The following EMILIN2 variants were observed in gnomAD, a reference collection of about 807,000 sequenced individuals.
EMILIN2 encodes EMILIN-2.
A neutral mutation model predicts 87.1 loss-of-function variants in EMILIN2; 71 were observed. The observed-to-expected ratio is 0.82, with a 90% CI of 0.67 to 0.99. The LOEUF (loss-of-function observed/expected upper bound fraction) is 0.99. Ranked by LOEUF, EMILIN2 falls within the 50% of genes least tolerant of loss-of-function variation. EMILIN2 has a pLI of 0.00. For synonymous variants in EMILIN2, 581 were observed against 563.4 expected (o/e 1.03, Z -0.44); for missense variants, 1,407 against 1,371.8 (o/e 1.03, Z -0.40).
At chr18:2,860,104 G>A (rs1032750106) in intron 2 of EMILIN2, among the ~76,000 whole-genome samples, 7 of 152,146 alleles carry the variant, frequency 4.6e-5, no homozygotes, top group Non-Finnish European at 1.0e-4. Context: ...GTTCTGTGAA[G>A]AATGATGGTG....
At chr18:2,856,576 A>G (rs1287885875) in intron 2 of EMILIN2, among the ~76,000 whole-genome samples, 1 of 152,156 alleles carries the variant, frequency 6.6e-6, no homozygotes, top group African/African-American at 2.4e-5. Flanking sequence ...GTACATAATG[A>G]AGTAGGTGCC....
chr18:2,859,004 C>T (rs549090541), intron 2 of EMILIN2, among the ~76,000 whole-genome samples: 63 of 152,220 alleles, frequency 4.1e-4, no homozygotes, highest in South Asian at 1.9e-3. Context: ...TTTTTGCAAT[C>T]GCGAATTGTG....
Position 2,909,832 on chromosome 18 carries a change from AC to A in EMILIN2, c.2824+14del. On this transcript the variant is annotated intron_variant, in intron 7 of 7. Transcript: ENST00000254528. ...AACCCCAGCACCGGTGAGTGTTTGA[AC>A]GGAACTGGTACTGTGTCCTCCTCCT... 1 of 1,612,944 alleles carries A rather than the reference AC, an allele frequency of 6.2e-7. No homozygotes were observed. The highest frequency in any genetic ancestry group is 1.1e-5 in the South Asian group (1 of 90,950).
At chr18:2,859,101 T>C (rs4798037) in intron 2 of EMILIN2, among the ~76,000 whole-genome samples, 8,240 of 152,254 alleles carry the variant, frequency 0.054, 751 homozygotes, top group East Asian at 0.48. Flanking sequence ...GGTTGCTGGA[T>C]CAAATGGTAG....
chr18:2,862,771 G>A (rs1284838638), intron 2 of EMILIN2, among the ~76,000 whole-genome samples: 1 of 152,134 alleles, frequency 6.6e-6, no homozygotes, highest in Non-Finnish European at 1.5e-5. Context: ...TTTTTCTATT[G>A]ATTGGAATAG....
Position 2,847,319 on chromosome 18 carries a change from A to T in EMILIN2, c.131A>T (p.Asn44Ile). Residue 44 changes from asparagine to isoleucine, a missense_variant, in exon 1 of 8, where the codon AAC (asparagine) becomes ATC (isoleucine). Physicochemically the swap from Asn to Ile is moderately radical, Grantham distance 149. Transcript: ENST00000254528. This position sits in a 1 kb window ranked among gnomAD's most constrained non-coding sequence, Gnocchi z 4.5. Reference protein sequence around the residue: ...PGYPARPSARNKNWCAYIVNK... With the variant: ...PGYPARPSARIKNWCAYIVNK... Reference sequence around the variant, plus strand: ...TATCCCGCGCGGCCCAGCGCCAGGAACAAGTAAGTGCGCGCCCCTTGGCTG... The same window carrying T: ...TATCCCGCGCGGCCCAGCGCCAGGATCAAGTAAGTGCGCGCCCCTTGGCTG... 1 of 1,306,518 alleles carries T rather than the reference A, an allele frequency of 7.7e-7. No individual in the cohort carries two copies. The allele number at this position is 1,306,518 out of a possible 1,614,324, so 80.9% of individuals were successfully genotyped here. A position where few individuals can be genotyped will look rare whatever the true frequency, so the allele number is the denominator to read the frequency against.
intron 2 of EMILIN2, among the ~76,000 whole-genome samples, chr18:2,856,243 T>A (rs1394462741): frequency 6.6e-6 from 1 of 152,106 alleles, no homozygotes; most frequent in Non-Finnish European, 1.5e-5. Flanking sequence ...TGTAAAAAAA[T>A]TAAGTGAAAT....
At position 2,880,757 on chromosome 18, in the gene EMILIN2, C is replaced by T. The variant is rs989022860; in HGVS notation, c.258-4207C>T. On this transcript the variant is annotated intron_variant, in intron 2 of 7. Transcript: ENST00000254528. The surrounding 1 kb of genome is among the most constrained non-coding windows in gnomAD (Gnocchi z 4.1). The stretch of plus-strand genomic sequence containing the variant: ...CCGGGGCCCCTGGGGATGCTTGGGC[C>T]GCCTGTCTCTGTTTCATGTCCCCTG... 6.6e-5 allele frequency among the ~76,000 whole-genome samples: 10 copies of T among 152,124 alleles called. No individual in the cohort carries two copies. Among genetic ancestry groups the T allele is most frequent in the African/African-American group, 1.9e-4 (8 of 41,406 alleles).
chr18:2,906,490 T>TC lies in EMILIN2; in HGVS notation c.2360-293_2360-292insC, dbSNP rs1283799862. On this transcript the variant is annotated intron_variant, in intron 4 of 7. Coordinates refer to ENST00000254528, the MANE Select transcript of EMILIN2 (RefSeq NM_032048.3). ...CCGCGTGCTGTGAAATCGGGAATTG[T>TC]TGATGCCGGAGCCAAGAGTGAGGCC... 5 of 145,366 alleles carry TC rather than the reference T, an allele frequency of 3.4e-5. No individual in the cohort carries two copies. The African/African-American group carries it at 1.1e-3, about 33-fold the overall frequency. 9.0% of individuals were successfully genotyped at this position (145,366 alleles called of 1,614,324 possible).
chr18:2,877,383 T>C (rs761514544), intron 2 of EMILIN2, among the ~76,000 whole-genome samples: 4 of 152,100 alleles, frequency 2.6e-5, no homozygotes, highest in Non-Finnish European at 5.9e-5. Flanking sequence ...TCTTTTTTTT[T>C]CTCATACCAC....
chr18:2,869,187 T>C (rs907114886), intron 2 of EMILIN2, among the ~76,000 whole-genome samples: 1 of 152,192 alleles, frequency 6.6e-6, no homozygotes, highest in Non-Finnish European at 1.5e-5. Flanking sequence ...AATTGAAATA[T>C]GTTATTGCAT....
rs955016129 is a variant in EMILIN2, at chr18:2,874,310, C to A, written c.258-10654C>A. ...GCTTAAGTAATCCTTCCTCCTTAGC[C>A]TCCTGAGTGGCTAGGACTCCAGGTG... On this transcript the variant is annotated intron_variant, in intron 2 of 7. Transcript: ENST00000254528. Among the ~76,000 whole-genome samples the A allele has an allele frequency of 7.2e-5, 11 of 152,150 alleles. No individual in the cohort carries two copies. In the East Asian group the frequency reaches 2.1e-3, roughly 29 times the overall value.
rs759058000 is a variant in EMILIN2, at chr18:2,890,980, G to A, written c.853G>A (p.Gly285Arg). The change falls in exon 4 of 8, where the codon GGA (glycine) becomes AGA (arginine). Residue 285 changes from glycine to arginine, a missense_variant. Transcript: ENST00000254528. The surrounding 1 kb of genome is among the most constrained non-coding windows in gnomAD (Gnocchi z 4.7). ...AAGTGACAAGCTGGAAGAGCTGGAT[G>A]GAAAAGTGAAGGGCTACGAAGGGCA... ...NKSDKLEELD[G>R]KVKGYEGQLR... 1.1e-5 allele frequency: 18 copies of A among 1,614,198 alleles called. No individual in the cohort carries two copies. The Admixed American group carries it at 3.0e-4, about 27-fold the overall frequency.
chr18:2,898,863 T>C (rs35462218), intron 4 of EMILIN2, among the ~76,000 whole-genome samples: 38,179 of 152,040 alleles, frequency 0.25, 5,963 homozygotes, highest in East Asian at 0.44. Context: ...CTTAGAGTTT[T>C]ATAAACATAT....
At chr18:2,846,655 G>A, upstream of EMILIN2, 1 of 622,980 alleles carries the variant, frequency 1.6e-6, no homozygotes. This position sits in a 1 kb window ranked among gnomAD's most constrained non-coding sequence, Gnocchi z 5.3. Context: ...CATTCGCCCC[G>A]GGAGGCTGGC....
chr18:2,890,725 G>C lies in EMILIN2; in HGVS notation c.598G>C (p.Asp200His), dbSNP rs747061429. 5 of 1,614,118 alleles carry C rather than the reference G, an allele frequency of 3.1e-6. No individual in the cohort carries two copies. Among genetic ancestry groups the C allele is most frequent in the Admixed American group, 1.7e-5 (1 of 60,018 alleles). ...KVLRLTRTVL[D>H]LQSSLAGVSE... ...TCTTCGACTCACAAGGACGGTTCTTGACCTCCAGTCTTCCCTTGCTGGAGT... is the reference window on the plus strand; with the variant it reads ...TCTTCGACTCACAAGGACGGTTCTTCACCTCCAGTCTTCCCTTGCTGGAGT... The change falls in exon 4 of 8, where the codon GAC becomes CAC. Residue 200 changes from aspartate to histidine, a missense_variant. By Grantham distance (81) the Asp-to-His change is moderately conservative (BLOSUM62 -1). Transcript: ENST00000254528. The surrounding 1 kb of genome is among the most constrained non-coding windows in gnomAD (Gnocchi z 4.7).
intron 2 of EMILIN2, among the ~76,000 whole-genome samples, chr18:2,872,211 TG>T (rs2143996088): frequency 6.6e-6 from 1 of 152,350 alleles, no homozygotes; most frequent in African/African-American, 2.4e-5. Context: ...ATGCTGCTGT[TG>T]CTCAATGAAT....
rs607411 is a variant in EMILIN2 at position 2,909,833 on chromosome 18, C to G, written c.2824+14C>G. The G allele has an allele frequency of 0.8, 1,294,344 of 1,612,202 alleles. 525,548 individuals are homozygous for G. The highest frequency in any genetic ancestry group is 0.83 in the Non-Finnish European group (978,637 of 1,179,300). On this transcript the variant is annotated intron_variant, in intron 7 of 7. Coordinates refer to ENST00000254528, the MANE Select transcript of EMILIN2 (RefSeq NM_032048.3). ...ACCCCAGCACCGGTGAGTGTTTGAA[C>G]GGAACTGGTACTGTGTCCTCCTCCT...
chr18:2,898,324 G>A (rs2076873045), intron 4 of EMILIN2, among the ~76,000 whole-genome samples: 1 of 152,222 alleles, frequency 6.6e-6, no homozygotes, highest in Non-Finnish European at 1.5e-5. Flanking sequence ...CAGCCCAGTG[G>A]CAGCAGCATG....
Sources: allele counts gnomAD v4.1 joint callset (sites outside exome capture counted in the v4.1 genomes callset), GRCh38; gene constraint gnomAD v4.1.1; non-coding constraint Gnocchi (gnomAD v3.1); transcripts MANE v1.5; gene names NCBI Gene and HGNC (gene_info 2026-07-23, HGNC 2026-07-21).